FUT8: variants seen among roughly 807,000 people sequenced by gnomAD.
FUT8 encodes alpha-(1,6)-fucosyltransferase.
FUT8 carries 29 observed loss-of-function variants against 71.3 expected under a neutral mutation model. The observed-to-expected ratio is 0.41, with a 90% CI of 0.30 to 0.55. The LOEUF (loss-of-function observed/expected upper bound fraction) is 0.55. FUT8 is among the 20% of genes least tolerant of loss of function. The pLI is 0.34. For synonymous variants in FUT8, 254 were observed against 239.3 expected (o/e 1.06, Z -0.57); for missense variants, 544 against 702.1 (o/e 0.77, Z 2.55).
rs1242751189 is a variant in FUT8 at position 65,737,880 on chromosome 14, C to T, written c.1411-4213C>T. On this transcript the variant is annotated intron_variant, in intron 10 of 10. Transcript: ENST00000673929. Reference sequence around the variant, plus strand: ...ACGCAATTCTACTCCCCTTATTACACTTTGAATCAGATTTTGGAAGCCCAG... The same window carrying T: ...ACGCAATTCTACTCCCCTTATTACATTTTGAATCAGATTTTGGAAGCCCAG... Among the ~76,000 whole-genome samples the T allele has an allele frequency of 2.0e-5, 3 of 152,190 alleles. No individual in the cohort carries two copies. The East Asian group carries it at 5.8e-4, about 29-fold the overall frequency.
Position 65,616,192 on chromosome 14 carries a change from C to A in FUT8, c.320-19C>A. ...TCAAAATGTTGGAAATGCTACAACTCTCTATTCTTTGACTACAGGTCTGGG... is the reference window on the plus strand; with the variant it reads ...TCAAAATGTTGGAAATGCTACAACTATCTATTCTTTGACTACAGGTCTGGG... On this transcript the variant is annotated intron_variant, in intron 4 of 10. Transcript: ENST00000673929. 1 of 1,599,926 alleles carries A rather than the reference C, an allele frequency of 6.3e-7. No individual in the cohort carries two copies. Among genetic ancestry groups the A allele is most frequent in the East Asian group, 2.2e-5 (1 of 44,764 alleles).
chr14:65,383,824 C>T, the FUT8 span, among the ~76,000 whole-genome samples: 5 of 152,162 alleles, frequency 3.3e-5, no homozygotes, highest in African/African-American at 1.2e-4. Context: ...AGGGAAATCA[C>T]AAGAGTGGTT....
intron 2 of FUT8, chr14:65,529,401 G>A (rs1883774203): frequency 1.3e-5 from 2 of 152,068 alleles, no homozygotes; most frequent in East Asian, 1.9e-4. Flanking sequence ...CCTGCTAATA[G>A]TTTTTATTTT....
chr14:65,709,594 GT>G (rs1285985512), intron 7 of FUT8, among the ~76,000 whole-genome samples: 1 of 152,128 alleles, frequency 6.6e-6, no homozygotes, highest in African/African-American at 2.4e-5. Flanking sequence ...CTCCTCAAGA[GT>G]TTCCACATGA....
chr14:65,497,513 C>G (rs1010718015), intron 2 of FUT8, among the ~76,000 whole-genome samples: 2 of 151,618 alleles, frequency 1.3e-5, no homozygotes, highest in East Asian at 3.9e-4. Context: ...TTATTCTTCC[C>G]GATGATTAAA....
intron 9 of FUT8, among the ~76,000 whole-genome samples, chr14:65,726,079 A>G (rs1422500648): frequency 2.0e-5 from 3 of 152,244 alleles, no homozygotes; most frequent in Admixed American, 6.5e-5. Context: ...TCAGCCAAGT[A>G]TAAGAATGAG....
intron 7 of FUT8, among the ~76,000 whole-genome samples, chr14:65,697,640 T>C (rs1011778892): frequency 4.6e-5 from 7 of 152,122 alleles, no homozygotes; most frequent in Non-Finnish European, 5.9e-5. Context: ...CAAACAGCTA[T>C]AAAAAGGAAT....
intron 6 of FUT8, among the ~76,000 whole-genome samples, chr14:65,662,954 G>C (rs1050006876): frequency 2.6e-5 from 4 of 152,090 alleles, no homozygotes; most frequent in Non-Finnish European, 5.9e-5. Flanking sequence ...ATTATTGCAA[G>C]GAGCTAGAAT....
Position 65,468,535 on chromosome 14 carries a change from C to G in FUT8, c.-228+12817C>G, listed in dbSNP as rs573296143. On this transcript the variant is annotated intron_variant, in intron 2 of 10. Transcript: ENST00000673929. ...TGTTGATTTTTTTCTTTACCTCTTGCTTCTTTCGAGATATCTTATTGGTCT... is the reference window on the plus strand; with the variant it reads ...TGTTGATTTTTTTCTTTACCTCTTGGTTCTTTCGAGATATCTTATTGGTCT... Among the ~76,000 whole-genome samples, 10 of 151,498 alleles carry G rather than the reference C, an allele frequency of 6.6e-5. 1 individual carries two copies. The South Asian group carries it at 2.1e-3, about 32-fold the overall frequency.
the FUT8 span, among the ~76,000 whole-genome samples, chr14:65,382,587 G>GC: frequency 1.7e-4 from 26 of 152,206 alleles, no homozygotes; most frequent in Non-Finnish European, 1.5e-5. Context: ...TGATCTGCCC[G>GC]CCTGGACCTC....
intron 2 of FUT8, among the ~76,000 whole-genome samples, chr14:65,532,514 A>C (rs985815703): frequency 6.6e-6 from 1 of 151,956 alleles, no homozygotes; most frequent in Non-Finnish European, 1.5e-5. Flanking sequence ...TAAGTTCCTT[A>C]TAGATGTTGG....
At chr14:65,508,656 A>T (rs1882118821) in intron 2 of FUT8, among the ~76,000 whole-genome samples, 1 of 151,298 alleles carries the variant, frequency 6.6e-6, no homozygotes, top group African/African-American at 2.4e-5. Flanking sequence ...GCCTGCCACC[A>T]CGCCCAGCTA....
At chr14:65,503,127 C>G (rs2066673200) in intron 2 of FUT8, among the ~76,000 whole-genome samples, 1 of 152,180 alleles carries the variant, frequency 6.6e-6, no homozygotes, top group Admixed American at 6.5e-5. Context: ...CAGGTAGGAT[C>G]AGAGAAATAT....
At chr14:65,480,026 C>T (rs2411820) in intron 2 of FUT8, among the ~76,000 whole-genome samples, 105,095 of 151,930 alleles carry the variant, frequency 0.69, 36,677 homozygotes, top group East Asian at 0.9. Flanking sequence ...TTCTGGGTGG[C>T]ATTGGAATCA....
chr14:65,530,139 C>T (rs1277809523), intron 2 of FUT8, among the ~76,000 whole-genome samples: 3 of 152,050 alleles, frequency 2.0e-5, no homozygotes, highest in African/African-American at 7.2e-5. Flanking sequence ...GGAACTTTCC[C>T]CCAAAATTCT....
intron 7 of FUT8, among the ~76,000 whole-genome samples, chr14:65,690,974 C>A (rs574349851): frequency 6.9e-6 from 1 of 144,994 alleles, no homozygotes; most frequent in Non-Finnish European, 1.5e-5. Context: ...GATCTACCTG[C>A]CTCGGCCTCC....
the FUT8 span, among the ~76,000 whole-genome samples, chr14:65,373,236 A>C: frequency 6.6e-6 from 1 of 151,630 alleles, no homozygotes; most frequent in African/African-American, 2.4e-5. Context: ...CTCCACCCTC[A>C]AGCTTGGACC....
At chr14:65,458,038 C>T (rs1478244124) in intron 2 of FUT8, 18 of 152,026 alleles carry the variant, frequency 1.2e-4, no homozygotes, top group East Asian at 5.8e-4. Context: ...AAAAATTAGC[C>T]GGGCGTAGTG....
chr14:65,397,699 A>G, the FUT8 span, among the ~76,000 whole-genome samples: 3 of 152,278 alleles, frequency 2.0e-5, no homozygotes, highest in Non-Finnish European at 2.9e-5. This position sits in a 1 kb window ranked among gnomAD's most constrained non-coding sequence, Gnocchi z 4.2. Context: ...CTGCTGGGAC[A>G]GGCTCCAGCC....
Sources: gnomAD v4.1 joint callset for allele counts (sites outside exome capture counted in the v4.1 genomes callset) on GRCh38, gnomAD v4.1.1 for gene constraint, Gnocchi (gnomAD v3.1) non-coding constraint, MANE v1.5 for transcripts, NCBI Gene and HGNC (gene_info 2026-07-23, HGNC 2026-07-21) for gene names.